AKAP6: variants seen among roughly 807,000 people sequenced by gnomAD.
The protein encoded by AKAP6 is A-kinase anchor protein 6.
Under a neutral mutation model 188.5 loss-of-function variants are expected in AKAP6, and 58 were observed. That is an observed-to-expected ratio of 0.31 (90% CI 0.25 to 0.38). AKAP6 has a LOEUF of 0.38. AKAP6 is among the 10% of genes least tolerant of loss of function. AKAP6 has a pLI of 1.00. For missense variants in AKAP6, 2,710 were observed against 2,740.0 expected, an observed-to-expected ratio of 0.99 and a Z score of 0.24; for synonymous variants, 989 against 998.6, an observed-to-expected ratio of 0.99 and a Z score of 0.18.
At chr14:32,553,806 T>G (rs1883583142) in intron 4 of AKAP6, among the ~76,000 whole-genome samples, 1 of 152,174 alleles carries the variant, frequency 6.6e-6, no homozygotes, top group South Asian at 2.1e-4. Context: ...TTCTGAGGGT[T>G]GAGGGGATTT....
At chr14:32,767,770 C>T (rs897768093) in intron 11 of AKAP6, among the ~76,000 whole-genome samples, 2 of 152,144 alleles carry the variant, frequency 1.3e-5, no homozygotes, top group Admixed American at 1.3e-4. Context: ...CTGTCTACTC[C>T]AGTTAATAAT....
intron 4 of AKAP6, among the ~76,000 whole-genome samples, chr14:32,553,366 G>T (rs1210345621): frequency 6.6e-6 from 1 of 151,846 alleles, no homozygotes; most frequent in Non-Finnish European, 1.5e-5. Context: ...TAGAAACGGG[G>T]TTTCATCACG....
rs1166941699 is a variant in AKAP6, at chr14:32,800,125, TAC to T, written c.3589-21271_3589-21270del. ...ATAGAAATATATATACACATATATA[TAC>T]ACACATATATATACACACATATATA... is the stretch of plus-strand genomic sequence containing the variant. On this transcript the variant is annotated intron_variant, in intron 12 of 13. Coordinates refer to ENST00000280979, the MANE Select transcript of AKAP6 (RefSeq NM_004274.5). Among the ~76,000 whole-genome samples, 179 of 142,450 alleles carry T rather than the reference TAC, an allele frequency of 1.3e-3. 4 individuals carry two copies. Among genetic ancestry groups the T allele is most frequent in the East Asian group, 9.7e-3 (49 of 5,030 alleles). 93.5% of individuals were successfully genotyped at this position (142,450 alleles called of 152,430 possible).
intron 1 of AKAP6, among the ~76,000 whole-genome samples, chr14:32,425,421 C>T (rs1231223628): frequency 6.6e-6 from 1 of 152,026 alleles, no homozygotes; most frequent in Non-Finnish European, 1.5e-5. Flanking sequence ...GACACCCTGT[C>T]TCTCCAAAAA....
intron 10 of AKAP6, chr14:32,732,809 A>AT: frequency 1.6e-6 from 1 of 631,302 alleles, no homozygotes; most frequent in Non-Finnish European, 2.7e-6. Flanking sequence ...CCCCTCTCAG[A>AT]TTTTAATAAT....
intron 12 of AKAP6, among the ~76,000 whole-genome samples, chr14:32,799,021 CTAAG>C (rs1220757997): frequency 1.3e-5 from 2 of 152,156 alleles, no homozygotes; most frequent in African/African-American, 4.8e-5. Flanking sequence ...ATTGTAGTAA[CTAAG>C]TCTTATTTAT....
chr14:32,774,978 T>C (rs1221122148), intron 12 of AKAP6, among the ~76,000 whole-genome samples: 1 of 152,218 alleles, frequency 6.6e-6, no homozygotes, highest in East Asian at 1.9e-4. Flanking sequence ...CAGCAAGCCA[T>C]CTAATTCTTT....
chr14:32,746,423 G>A (rs1204974396), intron 11 of AKAP6, among the ~76,000 whole-genome samples: 1 of 152,154 alleles, frequency 6.6e-6, no homozygotes, highest in Admixed American at 6.5e-5. Flanking sequence ...TTTCAAGGTA[G>A]TGGGTTTCCT....
At chr14:32,587,296 A>C (rs764484290) in intron 5 of AKAP6, among the ~76,000 whole-genome samples, 2 of 152,124 alleles carry the variant, frequency 1.3e-5, no homozygotes, top group Non-Finnish European at 2.9e-5. Context: ...GTGAATAGGA[A>C]ATTTTTAAAA....
intron 12 of AKAP6, among the ~76,000 whole-genome samples, chr14:32,786,610 C>T (rs1420303691): frequency 6.6e-6 from 1 of 151,960 alleles, no homozygotes; most frequent in African/African-American, 2.4e-5. Context: ...AGGCATGAGC[C>T]ACAGCACCCA....
chr14:32,479,415 G>T (rs1879229197), intron 2 of AKAP6, among the ~76,000 whole-genome samples: 1 of 151,926 alleles, frequency 6.6e-6, no homozygotes, highest in African/African-American at 2.4e-5. Flanking sequence ...TACCATTTTT[G>T]ATATATTTAC....
intron 5 of AKAP6, among the ~76,000 whole-genome samples, chr14:32,598,136 T>C (rs952871357): frequency 3.3e-5 from 5 of 152,218 alleles, no homozygotes; most frequent in Non-Finnish European, 5.9e-5. Flanking sequence ...AATTTATGAT[T>C]GATTTACTTC....
At chr14:32,502,354 T>G (rs1880648606) in intron 2 of AKAP6, among the ~76,000 whole-genome samples, 2 of 152,112 alleles carry the variant, frequency 1.3e-5, no homozygotes, top group Non-Finnish European at 2.9e-5. Context: ...ATAACACAAG[T>G]GTCCATCAAG....
chr14:32,551,317 A>G (rs1479537871), intron 4 of AKAP6, among the ~76,000 whole-genome samples: 1 of 152,088 alleles, frequency 6.6e-6, no homozygotes, highest in Non-Finnish European at 1.5e-5. Flanking sequence ...CATGCCTGTA[A>G]TCCCAGCACT....
intron 4 of AKAP6, among the ~76,000 whole-genome samples, chr14:32,563,058 C>A (rs4981157): frequency 0.56 from 85,316 of 151,930 alleles, 26,557 homozygotes; most frequent in African/African-American, 0.85. Context: ...CTTCCAAAAC[C>A]ACCTTGCTCA....
intron 2 of AKAP6, among the ~76,000 whole-genome samples, chr14:32,485,801 A>C (rs1879654215): frequency 6.6e-6 from 1 of 152,180 alleles, no homozygotes. Context: ...TTGGCTGTGC[A>C]GAAGCTCTTT....
At chr14:32,569,999 C>G (rs1336327383) in intron 4 of AKAP6, among the ~76,000 whole-genome samples, 2 of 152,100 alleles carry the variant, frequency 1.3e-5, no homozygotes, top group African/African-American at 4.8e-5. Context: ...TTCTTGCTAA[C>G]CTGCGGGTTC....
intron 2 of AKAP6, among the ~76,000 whole-genome samples, chr14:32,533,218 T>C (rs936140117): frequency 2.0e-5 from 3 of 152,206 alleles, no homozygotes; most frequent in African/African-American, 7.2e-5. Context: ...ACTTGCATTC[T>C]TCAGTGTAAT....
chr14:32,459,800 G>A (rs1290860767), intron 2 of AKAP6, among the ~76,000 whole-genome samples: 1 of 151,490 alleles, frequency 6.6e-6, no homozygotes, highest in Non-Finnish European at 1.5e-5. Context: ...GATGGAAAAT[G>A]GGAGCTAAGG....
Sources: allele counts gnomAD v4.1 joint callset (sites outside exome capture counted in the v4.1 genomes callset), GRCh38; gene constraint gnomAD v4.1.1; transcripts MANE v1.5; gene names NCBI Gene and HGNC (gene_info 2026-07-23, HGNC 2026-07-21).